LINGO1: variants seen among roughly 807,000 people sequenced by gnomAD.
LINGO1 encodes leucine-rich repeat and immunoglobulin-like domain-containing nogo receptor-interacting protein 1.
Under a neutral mutation model 37.3 loss-of-function variants are expected in LINGO1, and 11 were observed. That is an observed-to-expected ratio of 0.29 (90% CI 0.19 to 0.49). LINGO1 has a LOEUF of 0.49. LINGO1 is among the 20% of genes least tolerant of loss of function. The pLI is 0.99. For missense variants in LINGO1, 585 were observed against 878.2 expected, an observed-to-expected ratio of 0.67 and a Z score of 4.22; for synonymous variants, 387 against 403.0, an observed-to-expected ratio of 0.96 and a Z score of 0.48.
At chr15:77,692,921 C>T (rs945673028) in intron 1 of LINGO1, among the ~76,000 whole-genome samples, 1 of 152,260 alleles carries the variant, frequency 6.6e-6, no homozygotes, top group Non-Finnish European at 1.5e-5. Flanking sequence ...CCAGAGGTCA[C>T]ACTGCTACTG....
intron 1 of LINGO1, among the ~76,000 whole-genome samples, chr15:77,623,840 G>A (rs1184430545): frequency 1.3e-5 from 2 of 151,322 alleles, no homozygotes; most frequent in Non-Finnish European, 2.9e-5. Context: ...CTGTGTGTGT[G>A]TGTGTGAGTG....
At position 77,642,673 on chromosome 15, in the gene LINGO1, A is replaced by G. The variant is rs536994702; in HGVS notation, c.-12-26773T>C. ...GCCCCCATAGTCTGCTCCATACCAC[A>G]CAGGGAGCAAGGCTGGGACCGGCAC... On this transcript the variant is annotated intron_variant, in intron 3 of 3. Coordinates refer to the LINGO1 transcript ENST00000559893. 3.9e-5 allele frequency among the ~76,000 whole-genome samples: 6 copies of G among 152,240 alleles called. No homozygotes were observed. In the East Asian group the frequency reaches 1.2e-3, roughly 29 times the overall value.
rs142710192 is a variant in LINGO1, at chr15:77,775,218, T to C, written c.-257+11651A>G. ...TGGCCTTCAAGCCCCCACTTGATGA[T>C]AGCAAGGTCACCTCCACCCAAGGCA... is the stretch of plus-strand genomic sequence containing the variant. On this transcript the variant is annotated intron_variant, in intron 1 of 3. Coordinates refer to the LINGO1 transcript ENST00000561686. Among the ~76,000 whole-genome samples the C allele has an allele frequency of 1.2e-4, 19 of 152,214 alleles. No individual in the cohort carries two copies. The East Asian group carries it at 3.7e-3, about 29-fold the overall frequency.
chr15:77,752,798 C>A (rs1284342472), intron 1 of LINGO1, among the ~76,000 whole-genome samples: 1 of 152,218 alleles, frequency 6.6e-6, no homozygotes, highest in African/African-American at 2.4e-5. Context: ...TCATAGGGCA[C>A]TGCAGACCTT....
At chr15:77,718,404 G>A (rs1163193480) in intron 2 of LINGO1, among the ~76,000 whole-genome samples, 1 of 150,920 alleles carries the variant, frequency 6.6e-6, no homozygotes, top group Non-Finnish European at 1.5e-5. Flanking sequence ...GCGCCCACAT[G>A]TATACACACA....
chr15:77,624,523 G>A (rs1259497414), intron 1 of LINGO1, among the ~76,000 whole-genome samples: 3 of 152,212 alleles, frequency 2.0e-5, no homozygotes, highest in Admixed American at 1.3e-4. Flanking sequence ...CCAGCTCGCA[G>A]CCCCTGGCCA....
intron 2 of LINGO1, among the ~76,000 whole-genome samples, chr15:77,727,227 G>C (rs748128568): frequency 6.6e-6 from 1 of 152,196 alleles, no homozygotes; most frequent in Non-Finnish European, 1.5e-5. Flanking sequence ...GTGTGTGTAT[G>C]TGTGTGCATA....
rs1230677102 is a variant in LINGO1 at position 77,727,617 on chromosome 15, A to C, written c.-195+7375T>G. On this transcript the variant is annotated intron_variant, in intron 2 of 3. Coordinates refer to the LINGO1 transcript ENST00000561686. The stretch of plus-strand genomic sequence containing the variant: ...GGAGCGGTTGTTGTCCAGTGGATAC[A>C]GAATTTTGGTCATGCAAGATGAAAA... Among the ~76,000 whole-genome samples, 7 of 152,200 alleles carry C rather than the reference A, an allele frequency of 4.6e-5. No individual in the cohort carries two copies. The East Asian group carries it at 1.3e-3, about 29-fold the overall frequency.
intron 1 of LINGO1, among the ~76,000 whole-genome samples, chr15:77,777,713 G>C (rs2076675867): frequency 6.6e-6 from 1 of 152,140 alleles, no homozygotes; most frequent in African/African-American, 2.4e-5. Flanking sequence ...GATTCTTAAG[G>C]TCAGGAGTTT....
intron 2 of LINGO1, among the ~76,000 whole-genome samples, chr15:77,686,197 G>C (rs1394084488): frequency 6.6e-6 from 1 of 152,138 alleles, no homozygotes; most frequent in African/African-American, 2.4e-5. Flanking sequence ...GATGTCCCCT[G>C]TCCCCCACCC....
Position 77,796,876 on chromosome 15 carries a change from C to A in LINGO1, c.-457-823G>T, listed in dbSNP as rs181667193. On this transcript the variant is annotated intron_variant, in intron 1 of 5. Transcript: ENST00000562933. ...CAGTTGTGTGTATCACCACACCTGG[C>A]TAATTTTTTAATTTTTTTGTAAACT... 1.7e-3 allele frequency among the ~76,000 whole-genome samples: 266 copies of A among 152,314 alleles called. 3 individuals are homozygous for A. Among genetic ancestry groups the A allele is most frequent in the Admixed American group, 0.014 (208 of 15,306 alleles).
intron 1 of LINGO1, among the ~76,000 whole-genome samples, chr15:77,796,981 C>T (rs946949381): frequency 5.3e-5 from 8 of 152,376 alleles, no homozygotes; most frequent in South Asian, 2.1e-4. Flanking sequence ...GGATTATCGG[C>T]GGAGCCATCA....
intron 2 of LINGO1, among the ~76,000 whole-genome samples, chr15:77,679,831 G>C (rs1390209266): frequency 6.6e-6 from 1 of 152,136 alleles, no homozygotes; most frequent in Non-Finnish European, 1.5e-5. Context: ...GATGTGATCA[G>C]GATATTACAT....
At chr15:77,685,588 T>C (rs1301294973) in intron 2 of LINGO1, among the ~76,000 whole-genome samples, 1 of 151,668 alleles carries the variant, frequency 6.6e-6, no homozygotes, top group Non-Finnish European at 1.5e-5. Flanking sequence ...CAGGGTGCAG[T>C]GGCTCACACC....
chr15:77,616,372 C>T (rs2073720909), intron 1 of LINGO1, among the ~76,000 whole-genome samples: 1 of 152,210 alleles, frequency 6.6e-6, no homozygotes, highest in African/African-American at 2.4e-5. Flanking sequence ...AGCAGAGCAA[C>T]CAGGAGTGTG....
chr15:77,719,579 T>C (rs1298315930), intron 2 of LINGO1, among the ~76,000 whole-genome samples: 1 of 149,630 alleles, frequency 6.7e-6, no homozygotes, highest in Non-Finnish European at 1.5e-5. Flanking sequence ...GCTGGGCCTC[T>C]GACTTTTCAA....
intron 1 of LINGO1, among the ~76,000 whole-genome samples, chr15:77,775,546 C>G (rs1341647742): frequency 2.6e-5 from 4 of 152,118 alleles, no homozygotes; most frequent in Non-Finnish European, 5.9e-5. Context: ...TTAAGGAAAG[C>G]CTCGGCCCCA....
At chr15:77,733,661 T>C (rs143907679) in intron 2 of LINGO1, among the ~76,000 whole-genome samples, 2 of 152,310 alleles carry the variant, frequency 1.3e-5, no homozygotes, top group East Asian at 3.9e-4. Context: ...GTTGCTAAGA[T>C]TAATGAGCTA....
chr15:77,806,263 G>C (rs558167261), intron 1 of LINGO1, among the ~76,000 whole-genome samples: 1 of 151,966 alleles, frequency 6.6e-6, no homozygotes, highest in African/African-American at 2.4e-5. Context: ...GGGCAGAGGC[G>C]GCCCTCCGAG....
Sources: allele counts gnomAD v4.1 joint callset (sites outside exome capture counted in the v4.1 genomes callset), GRCh38; gene constraint gnomAD v4.1.1; transcripts MANE v1.5; gene names NCBI Gene and HGNC (gene_info 2026-07-23, HGNC 2026-07-21).